The following RYR3 variants were observed in gnomAD, a reference collection of about 807,000 sequenced individuals.
RYR3 encodes brain ryanodine receptor-calcium release channel.
In RYR3, 207 loss-of-function variants were observed where a neutral mutation model predicts 584.3. The ratio of observed to expected loss-of-function variants is 0.35; its 90% CI spans 0.32 to 0.40. The LOEUF is 0.40. RYR3 is among the 10% of genes least tolerant of loss of function. The pLI, the probability that RYR3 is intolerant of heterozygous loss-of-function variation, is 1.00. For missense variants in RYR3, 5,616 were observed against 6,089.2 expected, an observed-to-expected ratio of 0.92 and a Z score of 2.59; for synonymous variants, 2,416 against 2,248.5, an observed-to-expected ratio of 1.07 and a Z score of -2.11.
chr15:33,531,905 A>G (rs1267993540), intron 4 of RYR3, among the ~76,000 whole-genome samples: 1 of 152,182 alleles, frequency 6.6e-6, no homozygotes, highest in Non-Finnish European at 1.5e-5. Flanking sequence ...ACCTAAATGT[A>G]ATAAACAGAA....
At chr15:33,533,562 C>G (rs1398899710) in intron 5 of RYR3, among the ~76,000 whole-genome samples, 173 bp downstream of exon 5, 1 of 152,062 alleles carries the variant, frequency 6.6e-6, no homozygotes, top group East Asian at 1.9e-4. Flanking sequence ...GTAATGGAAA[C>G]ACGGAAACTA....
chr15:33,855,024 T>C (rs1353689041), intron 98 of RYR3, 112 bp downstream of exon 98: 2 of 1,147,150 alleles, frequency 1.7e-6, no homozygotes, highest in African/African-American at 1.6e-5. Context: ...GTATATAATG[T>C]ACTTTTCTTG....
At chr15:33,508,755 TC>T in intron 3 of RYR3, among the ~76,000 whole-genome samples, 2 of 152,306 alleles carry the variant, frequency 1.3e-5, no homozygotes, top group Non-Finnish European at 2.9e-5. Flanking sequence ...GTTCTTCATC[TC>T]CCCGTATTAC....
intron 38 of RYR3, among the ~76,000 whole-genome samples, chr15:33,689,976 G>A (rs779572640): frequency 6.6e-6 from 1 of 152,184 alleles, no homozygotes; most frequent in African/African-American, 2.4e-5. Context: ...AGCTAACTTA[G>A]AGGTGGCACG....
intron 28 of RYR3, among the ~76,000 whole-genome samples, chr15:33,645,395 T>C (rs1314788204): frequency 6.6e-6 from 1 of 152,204 alleles, no homozygotes; most frequent in Non-Finnish European, 1.5e-5. Context: ...TTCAGTGGTT[T>C]GCTTCAACCT....
chr15:33,844,381 T>G (rs1276460865), intron 92 of RYR3, among the ~76,000 whole-genome samples: 7 of 152,226 alleles, frequency 4.6e-5, no homozygotes, highest in African/African-American at 4.8e-5. Flanking sequence ...CTCAAAGTTG[T>G]AGATTTGAGA....
intron 4 of RYR3, among the ~76,000 whole-genome samples, chr15:33,531,807 T>C (rs2054899344): frequency 1.3e-5 from 2 of 152,104 alleles, no homozygotes; most frequent in Non-Finnish European, 2.9e-5. Context: ...CTTTGAACCC[T>C]GATAATATCT....
chr15:33,591,988 C>T (rs1206255764), intron 16 of RYR3, among the ~76,000 whole-genome samples: 1 of 152,074 alleles, frequency 6.6e-6, no homozygotes, highest in African/African-American at 2.4e-5. Flanking sequence ...AGTATAATTC[C>T]CATATAAGCT....
chr15:33,536,694 C>T (rs2055359218), intron 5 of RYR3, among the ~76,000 whole-genome samples: 1 of 152,172 alleles, frequency 6.6e-6, no homozygotes, highest in Non-Finnish European at 1.5e-5. Context: ...AGAGCTCAAC[C>T]TCTTTGTCAT....
intron 38 of RYR3, among the ~76,000 whole-genome samples, chr15:33,686,917 A>C (rs2065051547): frequency 6.6e-6 from 1 of 152,256 alleles, no homozygotes; most frequent in Non-Finnish European, 1.5e-5. Flanking sequence ...GATGGGCCTT[A>C]TCTCAAAATA....
chr15:33,664,482 C>G (rs907605477), intron 36 of RYR3, among the ~76,000 whole-genome samples: 10 of 151,132 alleles, frequency 6.6e-5, no homozygotes, highest in South Asian at 2.1e-4. Flanking sequence ...CCTAAGTGTT[C>G]AAAAGAAAAG....
rs114239423 is a variant in RYR3 at position 33,497,219 on chromosome 15, C to T, written c.172-6412C>T. Among the ~76,000 whole-genome samples, 492 of 152,284 alleles carry T rather than the reference C, an allele frequency of 3.2e-3. 2 individuals are homozygous for T. Among genetic ancestry groups the T allele is most frequent in the African/African-American group, 0.011 (465 of 41,556 alleles). ...CCATACATCACCACAGAAATTTCTCCGCTTTCCTGTCACCTTTCTGTTGGC... is the reference window on the plus strand; with the variant it reads ...CCATACATCACCACAGAAATTTCTCTGCTTTCCTGTCACCTTTCTGTTGGC... On this transcript the variant is annotated intron_variant, in intron 2 of 103. Coordinates refer to ENST00000634891, the MANE Select transcript of RYR3 (RefSeq NM_001036.6).
chr15:33,559,390 A>G (rs1236116183), intron 10 of RYR3, among the ~76,000 whole-genome samples: 1 of 152,176 alleles, frequency 6.6e-6, no homozygotes, highest in East Asian at 1.9e-4. Flanking sequence ...AAAGTTTATT[A>G]TACTCACAGG....
chr15:33,637,433 C>A (rs1440599311), intron 27 of RYR3, among the ~76,000 whole-genome samples: 1 of 152,246 alleles, frequency 6.6e-6, no homozygotes, highest in Non-Finnish European at 1.5e-5. Context: ...ACTGTTTCCT[C>A]CTCACGGACG....
intron 1 of RYR3, among the ~76,000 whole-genome samples, chr15:33,350,212 T>A (rs943907832): frequency 9.9e-5 from 15 of 152,004 alleles, no homozygotes; most frequent in African/African-American, 3.4e-4. Flanking sequence ...AGAGCTAACT[T>A]TCCTAAATAT....
At chr15:33,436,382 A>G (rs2045727625) in intron 1 of RYR3, among the ~76,000 whole-genome samples, 1 of 152,112 alleles carries the variant, frequency 6.6e-6, no homozygotes, top group Admixed American at 6.5e-5. Flanking sequence ...TATCTTTTCC[A>G]AATAATTCAT....
chr15:33,409,822 T>C (rs2043281001), intron 1 of RYR3, among the ~76,000 whole-genome samples: 2 of 152,150 alleles, frequency 1.3e-5, no homozygotes, highest in South Asian at 4.1e-4. Context: ...ACTTGTCTTG[T>C]AGACTAAAAA....
chr15:33,513,665 G>A (rs1299592116), intron 3 of RYR3, among the ~76,000 whole-genome samples: 1 of 152,158 alleles, frequency 6.6e-6, no homozygotes, highest in African/African-American at 2.4e-5. Flanking sequence ...GGAAAGTGCT[G>A]AGTCTTGTTT....
intron 40 of RYR3, 118 bp downstream of exon 40, chr15:33,698,114 A>G (rs2065990411): frequency 1.4e-6 from 1 of 721,684 alleles, no homozygotes. Flanking sequence ...AGGGAGAGGA[A>G]GGGATAGGCA....
Sources: allele counts gnomAD v4.1 joint callset (sites outside exome capture counted in the v4.1 genomes callset), GRCh38; gene constraint gnomAD v4.1.1; transcripts MANE v1.5; gene names NCBI Gene and HGNC (gene_info 2026-07-23, HGNC 2026-07-21).